The following LRMDA variants were observed in gnomAD, a reference collection of about 807,000 sequenced individuals.
The protein encoded by LRMDA is leucine rich melanocyte differentiation associated.
In LRMDA, 18 loss-of-function variants were observed where a neutral mutation model predicts 29.8. That is an observed-to-expected ratio of 0.60 (90% CI 0.42 to 0.90). The LOEUF is 0.90. Ranked by LOEUF, LRMDA falls within the 40% of genes least tolerant of loss-of-function variation. The pLI, the probability that LRMDA is intolerant of heterozygous loss-of-function variation, is 0.00. For missense variants in LRMDA, 273 were observed against 273.9 expected, an observed-to-expected ratio of 1.00 and a Z score of 0.02; for synonymous variants, 125 against 109.4, an observed-to-expected ratio of 1.14 and a Z score of -0.89.
intron 2 of LRMDA, among the ~76,000 whole-genome samples, chr10:75,637,457 G>A (rs1015163415): frequency 6.6e-6 from 1 of 152,166 alleles, no homozygotes; most frequent in Non-Finnish European, 1.5e-5. Context: ...GATGAGTAGA[G>A]AGAAGGGGTA....
intron 2 of LRMDA, among the ~76,000 whole-genome samples, chr10:75,983,918 G>C (rs6480798): frequency 0.66 from 100,357 of 152,036 alleles, 33,194 homozygotes; most frequent in South Asian, 0.72. Flanking sequence ...GCCTCCCAAA[G>C]TGCTGGGATT....
At chr10:76,416,677 A>AT (rs1473399689) in intron 6 of LRMDA, among the ~76,000 whole-genome samples, 1 of 152,256 alleles carries the variant, frequency 6.6e-6, no homozygotes, top group Non-Finnish European at 1.5e-5. Context: ...TAACAGGCTC[A>AT]TGTGTCAGAA....
chr10:75,477,834 C>T (rs1047470098), intron 2 of LRMDA, among the ~76,000 whole-genome samples: 3 of 152,250 alleles, frequency 2.0e-5, no homozygotes, highest in Non-Finnish European at 2.9e-5. Context: ...CACTGCTGCT[C>T]ATTTGCAAGA....
At chr10:75,700,437 CTTTT>C (rs1156446140) in intron 2 of LRMDA, among the ~76,000 whole-genome samples, 1 of 135,700 alleles carries the variant, frequency 7.4e-6, no homozygotes. Context: ...CTTTCTCATT[CTTTT>C]TTTTTTTTTT....
At chr10:75,886,651 T>C (rs1845396520) in intron 2 of LRMDA, among the ~76,000 whole-genome samples, 1 of 152,212 alleles carries the variant, frequency 6.6e-6, no homozygotes, top group African/African-American at 2.4e-5. Flanking sequence ...TAAAACTAGC[T>C]AGTCTTGCAT....
At chr10:76,054,897 C>T (rs532657416) in intron 4 of LRMDA, among the ~76,000 whole-genome samples, 1 of 150,802 alleles carries the variant, frequency 6.6e-6, no homozygotes, top group Non-Finnish European at 1.5e-5. Flanking sequence ...AACGCTGTCT[C>T]TACTAAAAAT....
intron 2 of LRMDA, among the ~76,000 whole-genome samples, chr10:75,686,706 A>T (rs1842086224): frequency 6.6e-6 from 1 of 152,222 alleles, no homozygotes; most frequent in South Asian, 2.1e-4. Flanking sequence ...TATAGGAGGT[A>T]TTCAAATACA....
intron 6 of LRMDA, among the ~76,000 whole-genome samples, chr10:76,345,848 A>G (rs1341806810): frequency 6.6e-6 from 1 of 152,250 alleles, no homozygotes; most frequent in East Asian, 1.9e-4. Context: ...TAGTAGTAAA[A>G]TACATACAAA....
chr10:75,783,786 G>A (rs1843425068), intron 2 of LRMDA, among the ~76,000 whole-genome samples: 1 of 152,210 alleles, frequency 6.6e-6, no homozygotes, highest in African/African-American at 2.4e-5. Flanking sequence ...TGGTGAGCAA[G>A]TGCTCAATAA....
At chr10:76,487,345 G>T (rs1466696325) in intron 6 of LRMDA, among the ~76,000 whole-genome samples, 1 of 151,826 alleles carries the variant, frequency 6.6e-6, no homozygotes, top group Non-Finnish European at 1.5e-5. Context: ...TTGAAGTTGG[G>T]CCTAGGCAAC....
chr10:75,887,704 A>G (rs1371568178), intron 2 of LRMDA, among the ~76,000 whole-genome samples: 1 of 152,212 alleles, frequency 6.6e-6, no homozygotes, highest in East Asian at 1.9e-4. Context: ...CCTTTACAGA[A>G]AAAGCTTGGT....
intron 5 of LRMDA, among the ~76,000 whole-genome samples, chr10:76,198,740 G>A (rs1285994327): frequency 1.3e-5 from 2 of 152,176 alleles, no homozygotes; most frequent in East Asian, 1.9e-4. Context: ...TCCAGATTAT[G>A]CATATGTTTA....
rs538631673 is a variant in LRMDA at position 75,644,104 on chromosome 10, T to C, written c.131+205610T>C. Among the ~76,000 whole-genome samples the C allele has an allele frequency of 1.2e-4, 19 of 152,294 alleles. 1 individual carries two copies. Among genetic ancestry groups the C allele is most frequent in the Admixed American group, 7.2e-4 (11 of 15,294 alleles). On this transcript the variant is annotated intron_variant, in intron 2 of 6. Transcript: ENST00000611255. ...TCTGGGAGGTGATTAGACTTTGAAA[T>C]AGGACCCAGGAACACTTGTAGCTTC...
intron 2 of LRMDA, among the ~76,000 whole-genome samples, chr10:75,822,253 A>G (rs1844174575): frequency 6.6e-6 from 1 of 152,166 alleles, no homozygotes; most frequent in African/African-American, 2.4e-5. Context: ...AATGCATCTA[A>G]TCAAGGAGGT....
At chr10:76,306,922 A>G (rs1004198269) in intron 5 of LRMDA, among the ~76,000 whole-genome samples, 2 of 152,184 alleles carry the variant, frequency 1.3e-5, no homozygotes, top group Non-Finnish European at 2.9e-5. Context: ...AATATACTGT[A>G]TTACTCCTCA....
intron 2 of LRMDA, among the ~76,000 whole-genome samples, chr10:75,657,094 T>C (rs1196446057): frequency 6.6e-6 from 1 of 152,114 alleles, no homozygotes; most frequent in African/African-American, 2.4e-5. Context: ...GGTCAAAACA[T>C]ATTGGGTAGC....
chr10:75,828,722 G>C (rs550320130), intron 2 of LRMDA, among the ~76,000 whole-genome samples: 1 of 152,230 alleles, frequency 6.6e-6, no homozygotes, highest in Admixed American at 6.5e-5. Flanking sequence ...GAAATATAGC[G>C]GTACGTGTTA....
At position 75,814,397 on chromosome 10, in the gene LRMDA, A is replaced by G. The variant is rs1844021071; in HGVS notation, c.132-221611A>G. On this transcript the variant is annotated intron_variant, in intron 2 of 6. Transcript: ENST00000611255. ...TGAATGTTCCTTTCTGGAATTTATT[A>G]GTTAGTGATTTTCTTTTCAATAAAC... 5.3e-5 allele frequency among the ~76,000 whole-genome samples: 8 copies of G among 152,172 alleles called. 1 individual carries two copies. The South Asian group carries it at 1.7e-3, about 32-fold the overall frequency.
chr10:75,486,068 A>G (rs1328524616), intron 2 of LRMDA, among the ~76,000 whole-genome samples: 1 of 152,134 alleles, frequency 6.6e-6, no homozygotes, highest in East Asian at 1.9e-4. Flanking sequence ...ATGGGTTCTA[A>G]TACACAGTGT....
Sources: gnomAD v4.1 joint callset for allele counts (sites outside exome capture counted in the v4.1 genomes callset) on GRCh38, gnomAD v4.1.1 for gene constraint, MANE v1.5 for transcripts, NCBI Gene and HGNC (gene_info 2026-07-23, HGNC 2026-07-21) for gene names.